MOSPD2: variants seen among roughly 807,000 people sequenced by gnomAD.
MOSPD2 encodes the protein motile sperm domain containing 2, also known as motile sperm domain-containing protein 2.
A neutral mutation model predicts 41.7 loss-of-function variants in MOSPD2; 5 were observed. The ratio of observed to expected loss-of-function variants is 0.12; its 90% CI spans 0.06 to 0.25. MOSPD2 has a LOEUF of 0.25. Among genes scored for constraint, MOSPD2 ranks in the 10% least tolerant of loss-of-function variants. The pLI, the probability that MOSPD2 is intolerant of heterozygous loss-of-function variation, is 1.00. For missense variants in MOSPD2, 282 were observed against 375.2 expected (o/e 0.75, Z 2.05); for synonymous variants, 115 against 126.9 (o/e 0.91, Z 0.63).
intron 4 of MOSPD2, among the ~76,000 whole-genome samples, chrX:14,895,642 T>A (rs2092561787): frequency 8.9e-6 from 1 of 112,092 alleles, no homozygotes; most frequent in African/African-American, 3.2e-5. Flanking sequence ...TAAACAAAGT[T>A]ATTTAATTCA....
chrX:14,915,839 T>A, intron 12 of MOSPD2, 75 bp downstream of exon 12: 1 of 837,429 alleles, frequency 1.2e-6, no homozygotes, highest in Non-Finnish European at 1.8e-6. Flanking sequence ...TGGCTCTGAG[T>A]CAGCAGAGAT....
At position 14,892,710 on chromosome X, in the gene MOSPD2, G is replaced by GT; in HGVS notation, c.80-7dup. 1 of 1,180,798 alleles carries GT rather than the reference G, an allele frequency of 8.5e-7. No homozygotes were observed. Among genetic ancestry groups the GT allele is most frequent in the Non-Finnish European group, 1.1e-6 (1 of 872,658 alleles). ...TAATCTGACTTGGATGTTTATTACT[G>GT]TTTTTTCCCTAGATAAGTCAGATAA... On this transcript the variant is annotated splice_polypyrimidine_tract_variant and intron_variant, in intron 2 of 14. Transcript: ENST00000380492.
At position 14,897,067 on chromosome X, in the gene MOSPD2, T is replaced by C; in HGVS notation, c.323-17T>C. 8.7e-7 allele frequency: 1 copy of C among 1,154,010 alleles called. No homozygotes were observed. The highest frequency in any genetic ancestry group is 1.2e-6 in the Non-Finnish European group (1 of 865,872). On this transcript the variant is annotated splice_polypyrimidine_tract_variant and intron_variant, in intron 4 of 14. Transcript: ENST00000380492. ...AATGCCATAAGTCTTGTTCTTATTT[T>C]TATCTTCTGCTTAAAGTCTGGATCA...
intron 7 of MOSPD2, 131 bp from the exon 8 acceptor site, chrX:14,908,729 C>T: frequency 1.9e-6 from 1 of 533,350 alleles, no homozygotes; most frequent in Non-Finnish European, 2.8e-6. Flanking sequence ...TAATTAAGTA[C>T]ATCACGTAAA....
chrX:14,912,410 C>A, intron 10 of MOSPD2, 49 bp downstream of exon 10: 1 of 833,922 alleles, frequency 1.2e-6, no homozygotes, highest in Non-Finnish European at 1.7e-6. Context: ...ATATCTTGAT[C>A]ACCTTGAGGG....
intron 5 of MOSPD2, among the ~76,000 whole-genome samples, chrX:14,897,580 G>T (rs765925137): frequency 4.0e-4 from 45 of 111,842 alleles, no homozygotes; most frequent in South Asian, 7.4e-4. Flanking sequence ...ACCTGCCCCG[G>T]TGTGTGCCAC....
At chrX:14,906,880 C>T (rs748324803) in intron 7 of MOSPD2, among the ~76,000 whole-genome samples, 1 of 110,712 alleles carries the variant, frequency 9.0e-6, no homozygotes, top group Non-Finnish European at 1.9e-5. Flanking sequence ...GAAAATTAGC[C>T]AAGCATGGTG....
At position 14,919,944 on chromosome X, in the gene MOSPD2, G is replaced by A. The variant is rs1259831651; in HGVS notation, c.*135G>A. On this transcript the variant is annotated 3_prime_UTR_variant, in exon 15 of 15. Transcript: ENST00000380492. The stretch of plus-strand genomic sequence containing the variant: ...AAAGGAAATATGCAGCACGTGGAGG[G>A]GAACACATACATGTCTTGAAAATAA... The A allele has an allele frequency of 8.5e-6, 9 of 1,061,047 alleles. No homozygotes were observed. The highest frequency in any genetic ancestry group is 6.0e-5 in the South Asian group (2 of 33,340). 87.4% of individuals were successfully genotyped at this position (1,061,047 alleles called of 1,213,427 possible).
At chrX:14,907,756 C>T (rs2092584694) in intron 7 of MOSPD2, among the ~76,000 whole-genome samples, 1 of 111,328 alleles carries the variant, frequency 9.0e-6, no homozygotes, top group African/African-American at 3.3e-5. Flanking sequence ...TGAAAATGTT[C>T]TAGATTAGAT....
At chrX:14,887,710 A>AT (rs1009585145) in intron 2 of MOSPD2, among the ~76,000 whole-genome samples, 1 of 111,684 alleles carries the variant, frequency 9.0e-6, no homozygotes, top group Non-Finnish European at 1.9e-5. Flanking sequence ...AAAAAATTTT[A>AT]TTTTTTTATT....
At chrX:14,883,331 C>T (rs2092535326) in intron 2 of MOSPD2, among the ~76,000 whole-genome samples, 1 of 111,932 alleles carries the variant, frequency 8.9e-6, no homozygotes, top group Admixed American at 9.5e-5. Context: ...GATAGTAGTA[C>T]TCTATCATAT....
At position 14,873,467 on chromosome X, in the gene MOSPD2, C is replaced by G. The variant is rs2092511205; in HGVS notation, c.-62C>G. On this transcript the variant is annotated 5_prime_UTR_variant, in exon 1 of 15. An upstream open reading frame in the 5' UTR gains an earlier in-frame stop. Coordinates refer to ENST00000380492, the MANE Select transcript of MOSPD2 (RefSeq NM_152581.4). ...GGCGGGACTGCCGGGTGATGAGATA[C>G]TCGGTCGGCGACGGTAGAACGGGCG... The G allele has an allele frequency of 8.3e-7, 1 of 1,208,695 alleles. No homozygotes were observed. Among genetic ancestry groups the G allele is most frequent in the Admixed American group, 2.2e-5 (1 of 46,105 alleles).
In MOSPD2 at chrX:14,908,924, C is replaced by A. The variant is rs758774781; in HGVS notation, c.642C>A (p.Ser214Arg). 8 of 1,196,090 alleles carry A rather than the reference C, an allele frequency of 6.7e-6. No individual in the cohort carries two copies. In the South Asian group the frequency reaches 1.4e-4, roughly 22 times the overall value. ...CAGTGAGCTTGTTGAAGTTTACAAG[C>A]AAAAATGAAGTCCAGGACTATGTCA... is the stretch of plus-strand genomic sequence containing the variant. ...PEAVSLLKFT[S>R]KNEVQDYVSV... Residue 214 changes from serine (S) to arginine (R), a missense_variant, in exon 8 of 15, where the codon AGC (serine) becomes AGA (arginine). Physicochemically the swap from Ser to Arg is moderately radical, Grantham distance 110. Around this residue, in one of 3 missense-constraint regions of MOSPD2, gnomAD observed 187 missense variants for 256.6 expected, o/e 0.73. Coordinates refer to ENST00000380492, the MANE Select transcript of MOSPD2 (RefSeq NM_152581.4).
intron 6 of MOSPD2, 141 bp from the exon 7 acceptor site, chrX:14,902,825 A>G (rs2092575409): frequency 4.2e-6 from 2 of 481,140 alleles, no homozygotes; most frequent in East Asian, 3.8e-5. Flanking sequence ...TCATGATACT[A>G]TACACTTCAC....
chrX:14,880,146 TA>T (rs1033036045), intron 2 of MOSPD2, among the ~76,000 whole-genome samples: 10 of 110,901 alleles, frequency 9.0e-5, no homozygotes, highest in African/African-American at 3.3e-4. Flanking sequence ...AAGAACCTGG[TA>T]TATATTTGTA....
intron 13 of MOSPD2, among the ~76,000 whole-genome samples, chrX:14,917,266 C>T (rs2092601976): frequency 1.8e-5 from 2 of 112,115 alleles, no homozygotes; most frequent in Admixed American, 9.4e-5. Flanking sequence ...AATGAGAGAG[C>T]AAGCCACATA....
rs1332103822 is a variant in MOSPD2 at position 14,921,863 on chromosome X, T to A, written c.*2054T>A. ...ATGATTTTTTTGGTACTCTAATCAG[T>A]AATTTTATTTTTAATCATGTCATTA... On this transcript the variant is annotated 3_prime_UTR_variant, in exon 15 of 15. Coordinates refer to ENST00000380492, the MANE Select transcript of MOSPD2 (RefSeq NM_152581.4). 8.9e-6 allele frequency: 1 copy of A among 112,191 alleles called. No homozygotes were observed. The highest frequency in any genetic ancestry group is 1.9e-5 in the Non-Finnish European group (1 of 53,385). The allele number at this position is 112,191 out of a possible 1,213,427, so 9.2% of individuals were successfully genotyped here.
chrX:14,873,843 A>T (rs2092513207), intron 2 of MOSPD2, 85 bp downstream of exon 2: 1 of 809,406 alleles, frequency 1.2e-6, no homozygotes, highest in South Asian at 2.1e-5. Flanking sequence ...TATTTGTGGG[A>T]GGTGTTAGGG....
At chrX:14,916,964 C>T (rs752262247) in intron 13 of MOSPD2, among the ~76,000 whole-genome samples, 1 of 112,191 alleles carries the variant, frequency 8.9e-6, no homozygotes, top group Admixed American at 9.4e-5. Flanking sequence ...TGTAGTTTTG[C>T]TTTTTTTAAA....
Sources: gnomAD v4.1 joint callset for allele counts (sites outside exome capture counted in the v4.1 genomes callset) on GRCh38, gnomAD v4.1.1 for gene constraint, gnomAD v4.1.1 regional missense constraint, MANE v1.5 for transcripts, NCBI Gene and HGNC (gene_info 2026-07-23, HGNC 2026-07-21) for gene names.